Variants in PEAK1 observed in about 807,000 individuals in gnomAD.
PEAK1 encodes inactive tyrosine-protein kinase PEAK1.
In PEAK1, 54 loss-of-function variants were observed where a neutral mutation model predicts 124.7. That is an observed-to-expected ratio of 0.43 (90% CI 0.35 to 0.54). The LOEUF (loss-of-function observed/expected upper bound fraction) is 0.54. Among genes scored for constraint, PEAK1 ranks in the 20% least tolerant of loss-of-function variants. The pLI is 0.01. For missense variants in PEAK1, 2,046 were observed against 2,134.5 expected, an observed-to-expected ratio of 0.96 and a Z score of 0.82; for synonymous variants, 719 against 760.0, an observed-to-expected ratio of 0.95 and a Z score of 0.89.
At chr15:77,318,249 G>A (rs187098778) in intron 2 of PEAK1, among the ~76,000 whole-genome samples, 2 of 152,130 alleles carry the variant, frequency 1.3e-5, no homozygotes, top group East Asian at 1.9e-4. Flanking sequence ...TCGATTTTAC[G>A]GTTTTGCTAT....
chr15:77,146,084 T>A (rs1414388230), intron 8 of PEAK1, among the ~76,000 whole-genome samples: 4 of 152,284 alleles, frequency 2.6e-5, no homozygotes, highest in Middle Eastern at 3.4e-3. Context: ...GACCATCGCC[T>A]CCACTAGTGC....
intron 6 of PEAK1, among the ~76,000 whole-genome samples, chr15:77,222,045 C>CT (rs1050875123): frequency 9.3e-5 from 14 of 151,158 alleles, no homozygotes; most frequent in East Asian, 1.9e-4. Flanking sequence ...GGAATTAATT[C>CT]TTTTTTTTTC....
intron 5 of PEAK1, among the ~76,000 whole-genome samples, chr15:77,259,759 G>A (rs1447413995): frequency 6.6e-6 from 1 of 152,096 alleles, no homozygotes; most frequent in South Asian, 2.1e-4. Flanking sequence ...GAAATAAGGG[G>A]AGTCCTACCA....
At chr15:77,253,246 G>T (rs2152927319) in intron 5 of PEAK1, among the ~76,000 whole-genome samples, 1 of 144,056 alleles carries the variant, frequency 6.9e-6, no homozygotes, top group South Asian at 2.4e-4. Context: ...GGTATGCGTT[G>T]GGGGGGGGGT....
intron 9 of PEAK1, among the ~76,000 whole-genome samples, chr15:77,120,690 G>A (rs184618520): frequency 1.3e-4 from 20 of 152,314 alleles, no homozygotes; most frequent in African/African-American, 4.8e-4. Context: ...TGGCTACAGA[G>A]CCATTAAAAA....
intron 6 of PEAK1, among the ~76,000 whole-genome samples, chr15:77,244,002 CA>C (rs1363443528): frequency 6.6e-6 from 1 of 151,644 alleles, no homozygotes; most frequent in Non-Finnish European, 1.5e-5. Context: ...AAGAAACCCA[CA>C]GATGGTTGGC....
At position 77,123,644 on chromosome 15, in the gene PEAK1, G is replaced by A. The variant is rs554733563; in HGVS notation, c.4078-8325C>T. Among the ~76,000 whole-genome samples the A allele has an allele frequency of 7.2e-5, 11 of 152,282 alleles. No individual in the cohort carries two copies. In the South Asian group the frequency reaches 2.3e-3, roughly 32 times the overall value. ...GAGGGATTAGTCTACTATGGATTTA[G>A]ATATGAGGATTTAGTCTACTATGAG... On this transcript the variant is annotated intron_variant, in intron 9 of 9. Transcript: ENST00000682557.
At chr15:77,303,905 G>C (rs2063923869) in intron 2 of PEAK1, among the ~76,000 whole-genome samples, 1 of 152,076 alleles carries the variant, frequency 6.6e-6, no homozygotes, top group Admixed American at 6.5e-5. Context: ...AAATTATAAG[G>C]TCTGTGTCTA....
At chr15:77,144,848 A>G (rs1020035701) in intron 8 of PEAK1, among the ~76,000 whole-genome samples, 3 of 152,176 alleles carry the variant, frequency 2.0e-5, no homozygotes, top group Admixed American at 6.5e-5. Flanking sequence ...ATTTGGGTCA[A>G]TGTTTTAAAA....
chr15:77,377,855 G>C (rs1045037915), intron 1 of PEAK1, among the ~76,000 whole-genome samples: 2 of 152,140 alleles, frequency 1.3e-5, no homozygotes, highest in African/African-American at 2.4e-5. Flanking sequence ...TACCTGGTTA[G>C]TGCCTGGAAT....
intron 2 of PEAK1, among the ~76,000 whole-genome samples, chr15:77,294,293 C>T (rs2063372604): frequency 6.6e-6 from 1 of 152,086 alleles, no homozygotes; most frequent in South Asian, 2.1e-4. Flanking sequence ...AAATATATAA[C>T]AGAAGAACTC....
chr15:77,113,201 G>C lies in PEAK1; in HGVS notation c.*955C>G, dbSNP rs1168515167. On this transcript the variant is annotated 3_prime_UTR_variant, in exon 10 of 10. Coordinates refer to ENST00000682557, the MANE Select transcript of PEAK1 (RefSeq NM_001385026.1). ...GTTAACACTGGCTACTGATAGAAGG[G>C]AGCTGGCCAATTACTGCTCGGGGAA... 1.3e-5 allele frequency: 2 copies of C among 152,298 alleles called. No homozygotes were observed. Among genetic ancestry groups the C allele is most frequent in the African/African-American group, 4.8e-5 (2 of 41,460 alleles). The allele number at this position is 152,298 out of a possible 1,614,324, so 9.4% of individuals were successfully genotyped here.
chr15:77,336,601 G>A, intron 2 of PEAK1: 1 of 957,884 alleles, frequency 1.0e-6, no homozygotes. Flanking sequence ...TCATCCTACA[G>A]AGCAATCTGG....
chr15:77,368,623 T>A (rs920906093), intron 1 of PEAK1, among the ~76,000 whole-genome samples: 3 of 152,120 alleles, frequency 2.0e-5, no homozygotes, highest in African/African-American at 7.2e-5. Flanking sequence ...AAGCAATAAG[T>A]AAGACAATGG....
intron 8 of PEAK1, among the ~76,000 whole-genome samples, chr15:77,148,706 CAGG>C (rs1240252737): frequency 6.6e-6 from 1 of 151,430 alleles, no homozygotes; most frequent in Admixed American, 6.6e-5. Flanking sequence ...TGCTTGAGGC[CAGG>C]AGTTTGAGAC....
intron 2 of PEAK1, among the ~76,000 whole-genome samples, chr15:77,287,201 A>T (rs572811663): frequency 6.6e-6 from 1 of 152,350 alleles, no homozygotes; most frequent in East Asian, 1.9e-4. Context: ...CATAAGACTG[A>T]CCATGCAAAA....
At chr15:77,297,927 G>A (rs1408701483) in intron 2 of PEAK1, among the ~76,000 whole-genome samples, 5 of 145,196 alleles carry the variant, frequency 3.4e-5, no homozygotes, top group Middle Eastern at 4.2e-3. Context: ...GCTTGGTGGC[G>A]GGCGCCTGTA....
chr15:77,172,611 A>C (rs1042400680), intron 7 of PEAK1, among the ~76,000 whole-genome samples: 2 of 152,224 alleles, frequency 1.3e-5, no homozygotes, highest in African/African-American at 2.4e-5. Flanking sequence ...TCAGCTTCAC[A>C]ACTCAAACTA....
At chr15:77,334,913 T>C (rs568062833) in intron 2 of PEAK1, 1 of 985,440 alleles carries the variant, frequency 1.0e-6, no homozygotes, top group South Asian at 4.7e-5. Context: ...GATATCCAGC[T>C]TCCCCAGGTT....
Sources: allele counts gnomAD v4.1 joint callset (sites outside exome capture counted in the v4.1 genomes callset), GRCh38; gene constraint gnomAD v4.1.1; transcripts MANE v1.5; gene names NCBI Gene and HGNC (gene_info 2026-07-23, HGNC 2026-07-21).